The following CCDC91 variants were observed in gnomAD, a reference collection of about 807,000 sequenced individuals.
CCDC91 encodes the protein coiled-coil domain containing 91.
Under a neutral mutation model 63.2 loss-of-function variants are expected in CCDC91, and 48 were observed. The observed-to-expected ratio is 0.76, with a 90% CI of 0.60 to 0.97. The LOEUF (loss-of-function observed/expected upper bound fraction) is 0.97, where lower values mean the gene tolerates loss of function less well. Ranked by LOEUF, CCDC91 falls within the 50% of genes least tolerant of loss-of-function variation. The pLI, the probability that CCDC91 is intolerant of heterozygous loss-of-function variation, is 0.00. For missense variants in CCDC91, 500 were observed against 494.6 expected (o/e 1.01, Z -0.10); for synonymous variants, 167 against 165.8 (o/e 1.01, Z -0.06).
chr12:28,536,037 A>G (rs1028616291), intron 12 of CCDC91, among the ~76,000 whole-genome samples: 1 of 151,886 alleles, frequency 6.6e-6, no homozygotes, highest in African/African-American at 2.4e-5. Context: ...TCAAAAAAAA[A>G]AAAAAATATA....
In CCDC91 at chr12:28,372,848, T is replaced by C. The variant is rs1565875617; in HGVS notation, c.654+10333T>C. On this transcript the variant is annotated intron_variant, in intron 7 of 12. Coordinates refer to ENST00000536442, the MANE Select transcript of CCDC91 (RefSeq NM_018318.5). Reference sequence around the variant, plus strand: ...CTTTCTCTTGTCTGATTGCTCTTGGTAGGACTTCCAGTACTGTGTTGAACA... The same window carrying C: ...CTTTCTCTTGTCTGATTGCTCTTGGCAGGACTTCCAGTACTGTGTTGAACA... Among the ~76,000 whole-genome samples the C allele has an allele frequency of 2.0e-5, 3 of 152,172 alleles. 1 individual carries two copies. The East Asian group carries it at 5.8e-4, about 29-fold the overall frequency.
At chr12:28,338,582 A>G (rs1942180499) in intron 6 of CCDC91, among the ~76,000 whole-genome samples, 1 of 152,136 alleles carries the variant, frequency 6.6e-6, no homozygotes, top group Admixed American at 6.5e-5. Context: ...AAGGCCCTGT[A>G]GGCCAAGGTA....
At chr12:28,368,187 CAGAATAACAGA>C (rs1399336699) in intron 7 of CCDC91, among the ~76,000 whole-genome samples, 2 of 152,086 alleles carry the variant, frequency 1.3e-5, no homozygotes, top group African/African-American at 4.8e-5. Flanking sequence ...ATTTTACCTA[CAGAATAACAGA>C]AATATGATAG....
At chr12:28,476,704 A>G (rs1951115240) in intron 11 of CCDC91, among the ~76,000 whole-genome samples, 1 of 152,154 alleles carries the variant, frequency 6.6e-6, no homozygotes, top group African/African-American at 2.4e-5. Context: ...AAAGATCAAC[A>G]AAATTAATAG....
chr12:28,202,717 G>A (rs2121515153), intron 1 of CCDC91, among the ~76,000 whole-genome samples: 1 of 152,308 alleles, frequency 6.6e-6, no homozygotes. Context: ...CAAAGCTTAG[G>A]TCACCTTTTC....
intron 6 of CCDC91, among the ~76,000 whole-genome samples, chr12:28,320,698 T>A (rs1940404548): frequency 1.3e-5 from 2 of 151,794 alleles, no homozygotes; most frequent in African/African-American, 4.8e-5. Context: ...AGTTAACATA[T>A]AAAATAAAAG....
rs376910158 is a variant in CCDC91, at chr12:28,333,336, A to G, written c.576+25587A>G. Among the ~76,000 whole-genome samples, 6 of 150,226 alleles carry G rather than the reference A, an allele frequency of 4.0e-5. No homozygotes were observed. In the South Asian group the frequency reaches 1.1e-3, roughly 26 times the overall value. On this transcript the variant is annotated intron_variant, in intron 6 of 12. Coordinates refer to ENST00000536442, the MANE Select transcript of CCDC91 (RefSeq NM_018318.5). Reference sequence around the variant, plus strand: ...CGTGAACCCAGGAGGTGGAGCTTGCAGTTAGCCGAGATTGCGCCATTGCAC... The same window carrying G: ...CGTGAACCCAGGAGGTGGAGCTTGCGGTTAGCCGAGATTGCGCCATTGCAC...
chr12:28,332,239 A>T (rs1034921810), intron 6 of CCDC91, among the ~76,000 whole-genome samples: 3 of 152,174 alleles, frequency 2.0e-5, no homozygotes, highest in African/African-American at 7.2e-5. Flanking sequence ...AGGACAAAAA[A>T]ATCAGTAAAT....
At chr12:28,340,568 C>T (rs1397188813) in intron 6 of CCDC91, among the ~76,000 whole-genome samples, 1 of 152,126 alleles carries the variant, frequency 6.6e-6, no homozygotes, top group African/African-American at 2.4e-5. Flanking sequence ...TTGAGTCTTT[C>T]TTATATTGCA....
At chr12:28,295,282 A>G (rs1296374293) in intron 3 of CCDC91, among the ~76,000 whole-genome samples, 1 of 152,192 alleles carries the variant, frequency 6.6e-6, no homozygotes, top group Non-Finnish European at 1.5e-5. Flanking sequence ...TCTTTAATAT[A>G]TATCTACTTT....
intron 11 of CCDC91, among the ~76,000 whole-genome samples, chr12:28,464,793 C>G (rs1211838353): frequency 6.6e-6 from 1 of 151,982 alleles, no homozygotes; most frequent in Non-Finnish European, 1.5e-5. Context: ...GGATGAGACT[C>G]CTGCTAGAGA....
intron 3 of CCDC91, among the ~76,000 whole-genome samples, chr12:28,300,861 G>C (rs1235164203): frequency 1.3e-5 from 2 of 151,516 alleles, no homozygotes; most frequent in Non-Finnish European, 1.5e-5. Context: ...CTTTGTTGCA[G>C]TGAAAAATAC....
At chr12:28,361,267 G>A (rs1943861909) in intron 6 of CCDC91, among the ~76,000 whole-genome samples, 3 of 151,616 alleles carry the variant, frequency 2.0e-5, no homozygotes, top group Non-Finnish European at 4.4e-5. Flanking sequence ...TGCCATGCTG[G>A]TGTGCTGCAC....
chr12:28,337,279 C>T (rs1408006219), intron 6 of CCDC91, among the ~76,000 whole-genome samples: 3 of 152,046 alleles, frequency 2.0e-5, no homozygotes, highest in African/African-American at 4.8e-5. Context: ...TGATGTTTTT[C>T]GTTAATGAAT....
chr12:28,332,694 G>T (rs951846867), intron 6 of CCDC91, among the ~76,000 whole-genome samples: 2 of 152,104 alleles, frequency 1.3e-5, no homozygotes, highest in Non-Finnish European at 1.5e-5. Flanking sequence ...TTTCTAGGAC[G>T]TAGCTCCTCA....
intron 1 of CCDC91, among the ~76,000 whole-genome samples, chr12:28,206,681 G>A (rs1057278303): frequency 2.0e-5 from 3 of 152,158 alleles, no homozygotes; most frequent in Non-Finnish European, 2.9e-5. Context: ...TCTATAGGTC[G>A]TAAGTGCCAG....
chr12:28,276,704 G>A (rs952872382), intron 3 of CCDC91, among the ~76,000 whole-genome samples: 2 of 151,812 alleles, frequency 1.3e-5, no homozygotes, highest in East Asian at 1.9e-4. Flanking sequence ...ATTTTTTTAT[G>A]TTTGAGAGTA....
chr12:28,545,450 A>G (rs201132183), intron 12 of CCDC91, among the ~76,000 whole-genome samples: 1 of 152,072 alleles, frequency 6.6e-6, no homozygotes, highest in East Asian at 1.9e-4. Flanking sequence ...GTTCCATCCC[A>G]CAGCCATGAT....
intron 7 of CCDC91, among the ~76,000 whole-genome samples, chr12:28,382,676 G>T (rs1945366256): frequency 6.6e-6 from 1 of 152,022 alleles, no homozygotes; most frequent in Non-Finnish European, 1.5e-5. Context: ...AGAGTATACC[G>T]CCTCCTTGCA....
Sources: allele counts gnomAD v4.1 joint callset (sites outside exome capture counted in the v4.1 genomes callset), GRCh38; gene constraint gnomAD v4.1.1; transcripts MANE v1.5; gene names NCBI Gene and HGNC (gene_info 2026-07-23, HGNC 2026-07-21).